The following LNPEP variants were observed in gnomAD, a reference collection of about 807,000 sequenced individuals.
LNPEP encodes leucyl and cystinyl aminopeptidase.
Under a neutral mutation model 120.6 loss-of-function variants are expected in LNPEP, and 64 were observed. The ratio of observed to expected loss-of-function variants is 0.53; its 90% CI spans 0.43 to 0.65. LNPEP has a LOEUF of 0.65. LNPEP is among the 30% of genes least tolerant of loss of function. The probability of loss-of-function intolerance (pLI) is 0.00; values close to 1 mark genes in which losing one functional copy is unlikely to be tolerated. For synonymous variants in LNPEP, 435 were observed against 425.4 expected (o/e 1.02, Z -0.28); for missense variants, 1,057 against 1,200.0 (o/e 0.88, Z 1.76).
At chr5:96,954,389 A>G (rs1373819412) in intron 1 of LNPEP, among the ~76,000 whole-genome samples, 1 of 152,090 alleles carries the variant, frequency 6.6e-6, no homozygotes, top group South Asian at 2.1e-4. Flanking sequence ...TGATGTTTAT[A>G]GTTAAGTGTC....
intron 1 of LNPEP, among the ~76,000 whole-genome samples, chr5:96,956,704 G>C (rs1789477211): frequency 6.6e-6 from 1 of 152,106 alleles, no homozygotes; most frequent in African/African-American, 2.4e-5. Context: ...TGAGGTGATT[G>C]TTTCTTCAGA....
intron 4 of LNPEP, among the ~76,000 whole-genome samples, chr5:96,988,666 A>C (rs899834606): frequency 6.6e-6 from 1 of 151,998 alleles, no homozygotes; most frequent in Non-Finnish European, 1.5e-5. Flanking sequence ...GCTGGAGTAC[A>C]TGGTGCAATC....
chr5:97,010,562 G>A (rs1471970898), intron 11 of LNPEP: 4 of 985,118 alleles, frequency 4.1e-6, no homozygotes, highest in Non-Finnish European at 4.8e-6. Context: ...TTGTAACTTT[G>A]TAGTAAAAAC....
chr5:97,006,371 A>AT, intron 10 of LNPEP, 56 bp from the exon 11 acceptor site: 1 of 1,276,298 alleles, frequency 7.8e-7, no homozygotes, highest in Non-Finnish European at 1.1e-6. Flanking sequence ...TTCCTACCAA[A>AT]TTAAAAAAAA....
intron 1 of LNPEP, among the ~76,000 whole-genome samples, chr5:96,942,130 G>A (rs1288585609): frequency 6.6e-6 from 1 of 152,258 alleles, no homozygotes; most frequent in Non-Finnish European, 1.5e-5. Context: ...TAAGCATACT[G>A]TCTTTTTTAT....
chr5:97,023,794 A>T (rs945984397), intron 14 of LNPEP, among the ~76,000 whole-genome samples: 2 of 152,150 alleles, frequency 1.3e-5, no homozygotes, highest in Non-Finnish European at 2.9e-5. Flanking sequence ...TAATTTTTTG[A>T]GGAACTGCCA....
chr5:96,938,199 C>T (rs1788965128), intron 1 of LNPEP, among the ~76,000 whole-genome samples: 1 of 152,194 alleles, frequency 6.6e-6, no homozygotes, highest in Non-Finnish European at 1.5e-5. Flanking sequence ...CAGTTATATA[C>T]TTCATCCTTT....
Position 97,013,816 on chromosome 5 carries a change from T to C in LNPEP, c.2204T>C (p.Ile735Thr). The part of the protein sequence containing the change: ...DKDRANLINN[I>T]FELAGLGKVP... ...GACCGAGCCAACCTTATCAACAACATCTTTGAACTTGCAGGGTAGAGTATA... is the reference window on the plus strand; with the variant it reads ...GACCGAGCCAACCTTATCAACAACACCTTTGAACTTGCAGGGTAGAGTATA... Residue 735 changes from isoleucine (I) to threonine (T), a missense_variant, in exon 12 of 18, where the codon ATC becomes ACC. Ile to Thr is a moderately conservative substitution (Grantham distance 89, BLOSUM62 -1). Transcript: ENST00000231368. 2.5e-6 allele frequency: 4 copies of C among 1,600,414 alleles called. No individual in the cohort carries two copies. The highest frequency in any genetic ancestry group is 3.4e-6 in the Non-Finnish European group (4 of 1,175,192).
At chr5:97,016,693 A>G (rs1052539601) in intron 13 of LNPEP, among the ~76,000 whole-genome samples, 1 of 152,134 alleles carries the variant, frequency 6.6e-6, no homozygotes, top group Admixed American at 6.5e-5. Flanking sequence ...GCCCACATCT[A>G]GTTGTTCTCC....
At chr5:96,970,393 T>C (rs571547369) in intron 1 of LNPEP, among the ~76,000 whole-genome samples, 44 of 152,182 alleles carry the variant, frequency 2.9e-4, no homozygotes, top group African/African-American at 1.0e-3. Context: ...CATCATAAAA[T>C]ATTCTTCTTT....
At position 96,980,028 on chromosome 5, in the gene LNPEP, CAATATAGATCCCTTTGTCCACACCAGAG is replaced by C. The variant is rs768240110; in HGVS notation, c.860+52_860+79del. The stretch of plus-strand genomic sequence containing the variant: ...TGGTTTTACGCTCTGATAACTTCTG[CAATATAGATCCCTTTGTCCACACCAGAG>C]ACACGAATTGTGATTTTTTTTTTTA... On this transcript the variant is annotated intron_variant, in intron 2 of 17. Transcript: ENST00000231368. 205 of 1,499,728 alleles carry C rather than the reference CAATATAGATCCCTTTGTCCACACCAGAG, an allele frequency of 1.4e-4. 1 individual carries two copies. Among genetic ancestry groups the C allele is most frequent in the Non-Finnish European group, 2.7e-5 (30 of 1,117,648 alleles). 92.9% of individuals were successfully genotyped at this position (1,499,728 alleles called of 1,614,324 possible). A position where few individuals can be genotyped will look rare whatever the true frequency, so the allele number is the denominator to read the frequency against.
chr5:96,994,701 T>A (rs1790466158), intron 6 of LNPEP, among the ~76,000 whole-genome samples: 1 of 152,198 alleles, frequency 6.6e-6, no homozygotes, highest in Non-Finnish European at 1.5e-5. Context: ...TGGCAGGATA[T>A]GAATAGGATG....
chr5:96,939,808 T>C (rs1051815871), intron 1 of LNPEP, among the ~76,000 whole-genome samples: 1 of 152,034 alleles, frequency 6.6e-6, no homozygotes, highest in African/African-American at 2.4e-5. Flanking sequence ...TAATACAGTA[T>C]AAAATTGTGA....
At chr5:97,021,924 T>TG (rs1791208818) in intron 13 of LNPEP, among the ~76,000 whole-genome samples, 1 of 26,164 alleles carries the variant, frequency 3.8e-5, no homozygotes, top group African/African-American at 1.5e-4. Context: ...TTGTCTTTTG[T>TG]TTTTTTTTTT....
intron 14 of LNPEP, among the ~76,000 whole-genome samples, chr5:97,023,146 T>G (rs72775881): frequency 3.3e-5 from 5 of 152,284 alleles, no homozygotes; most frequent in Non-Finnish European, 7.4e-5. Flanking sequence ...ATATCTCATA[T>G]AAGTAAAGTC....
At chr5:96,972,204 C>G (rs928798878) in intron 1 of LNPEP, among the ~76,000 whole-genome samples, 1 of 152,070 alleles carries the variant, frequency 6.6e-6, no homozygotes, top group Non-Finnish European at 1.5e-5. Context: ...GTTTATCAGG[C>G]TCCTCTAACT....
chr5:97,005,360 G>A (rs1260174351), intron 9 of LNPEP, among the ~76,000 whole-genome samples: 1 of 152,026 alleles, frequency 6.6e-6, no homozygotes, highest in South Asian at 2.1e-4. Flanking sequence ...CTTAGTTATT[G>A]ATACTAGATG....
intron 1 of LNPEP, among the ~76,000 whole-genome samples, chr5:96,946,491 C>T (rs1231457067): frequency 6.6e-6 from 1 of 152,138 alleles, no homozygotes; most frequent in African/African-American, 2.4e-5. Flanking sequence ...TGCAGTTGGG[C>T]ATAATTCTGT....
At chr5:96,991,788 A>G (rs1790393609) in intron 4 of LNPEP, among the ~76,000 whole-genome samples, 1 of 152,120 alleles carries the variant, frequency 6.6e-6, no homozygotes, top group Non-Finnish European at 1.5e-5. Context: ...GTTGAATAAG[A>G]TGTCCTTTCC....
Sources: allele counts gnomAD v4.1 joint callset (sites outside exome capture counted in the v4.1 genomes callset), GRCh38; gene constraint gnomAD v4.1.1; transcripts MANE v1.5; gene names NCBI Gene and HGNC (gene_info 2026-07-23, HGNC 2026-07-21).